GPC5: variants seen among roughly 807,000 people sequenced by gnomAD.
The protein encoded by GPC5 is glypican 5, also known as glypican-5.
A neutral mutation model predicts 53.9 loss-of-function variants in GPC5; 47 were observed. The ratio of observed to expected loss-of-function variants is 0.87; its 90% CI spans 0.69 to 1.11. The LOEUF (loss-of-function observed/expected upper bound fraction) is 1.11, where lower values mean the gene tolerates loss of function less well. Ranked by LOEUF, GPC5 falls within the 50% of genes most tolerant of loss-of-function variation. The pLI is 0.00. For synonymous variants in GPC5, 286 were observed against 263.3 expected (o/e 1.09, Z -0.84); for missense variants, 748 against 713.1 (o/e 1.05, Z -0.56).
intron 7 of GPC5, among the ~76,000 whole-genome samples, chr13:92,168,599 C>A (rs921816993): frequency 1.3e-5 from 2 of 152,142 alleles, no homozygotes; most frequent in African/African-American, 4.8e-5. Context: ...CATCAGTGAT[C>A]ATTAGAGAAA....
At chr13:91,946,222 T>C (rs1331413230) in intron 6 of GPC5, among the ~76,000 whole-genome samples, 6 of 152,194 alleles carry the variant, frequency 3.9e-5, no homozygotes, top group African/African-American at 1.4e-4. Flanking sequence ...TCTCATGGTT[T>C]CTCTGAAAAT....
intron 6 of GPC5, among the ~76,000 whole-genome samples, chr13:92,000,099 G>A (rs2040541050): frequency 6.6e-6 from 1 of 151,978 alleles, no homozygotes; most frequent in South Asian, 2.1e-4. Flanking sequence ...AATTGTAAAG[G>A]TAATAATAAC....
At chr13:92,104,420 G>A (rs1278330652) in intron 6 of GPC5, among the ~76,000 whole-genome samples, 1 of 152,092 alleles carries the variant, frequency 6.6e-6, no homozygotes, top group African/African-American at 2.4e-5. Flanking sequence ...TTGCTTTCAG[G>A]AATAAGTGGA....
intron 2 of GPC5, among the ~76,000 whole-genome samples, chr13:91,647,957 C>A (rs572524229): frequency 8.5e-5 from 13 of 152,284 alleles, no homozygotes; most frequent in African/African-American, 2.9e-4. Flanking sequence ...TAATGAGAGC[C>A]TGTAATCCTG....
chr13:92,667,185 T>C (rs1247987553), intron 7 of GPC5, among the ~76,000 whole-genome samples: 1 of 152,104 alleles, frequency 6.6e-6, no homozygotes, highest in Non-Finnish European at 1.5e-5. Context: ...GGCATGCATG[T>C]GCACGCATGT....
chr13:92,490,314 T>C (rs920455869), intron 7 of GPC5: 29 of 152,906 alleles, frequency 1.9e-4, no homozygotes, highest in Admixed American at 1.3e-3. Flanking sequence ...GAAATAATTT[T>C]TAGTGTCCCT....
At chr13:91,701,608 A>C (rs1393564593) in intron 3 of GPC5, among the ~76,000 whole-genome samples, 1 of 151,556 alleles carries the variant, frequency 6.6e-6, no homozygotes, top group Non-Finnish European at 1.5e-5. Flanking sequence ...CTCTTATTCC[A>C]TAGGTTCTCT....
intron 7 of GPC5, among the ~76,000 whole-genome samples, chr13:92,282,697 G>T (rs1398141736): frequency 6.6e-6 from 1 of 152,140 alleles, no homozygotes; most frequent in Admixed American, 6.5e-5. Flanking sequence ...AATGCTGAGA[G>T]ATTTTGTCAC....
intron 7 of GPC5, among the ~76,000 whole-genome samples, chr13:92,807,737 A>G (rs1877148199): frequency 6.6e-6 from 1 of 152,086 alleles, no homozygotes; most frequent in South Asian, 2.1e-4. Context: ...AGAATGATTT[A>G]TTTACTTTAT....
intron 3 of GPC5, among the ~76,000 whole-genome samples, chr13:91,723,169 A>T (rs949233842): frequency 4.1e-4 from 61 of 150,562 alleles, no homozygotes; most frequent in Non-Finnish European, 6.8e-4. Context: ...ATTTTTATTT[A>T]TTTTTTTTTC....
At chr13:92,043,970 G>A (rs989265761) in intron 6 of GPC5, among the ~76,000 whole-genome samples, 3 of 152,062 alleles carry the variant, frequency 2.0e-5, no homozygotes, top group Admixed American at 2.0e-4. Context: ...TTCATTCTGT[G>A]TGCTTAAAAT....
intron 7 of GPC5, among the ~76,000 whole-genome samples, chr13:92,705,015 C>T (rs1039229889): frequency 2.0e-5 from 3 of 151,530 alleles, no homozygotes; most frequent in South Asian, 4.1e-4. Flanking sequence ...TTGTTAAGAA[C>T]AGTGCTCATG....
chr13:91,902,149 A>G (rs1215577706), intron 5 of GPC5, among the ~76,000 whole-genome samples: 2 of 152,158 alleles, frequency 1.3e-5, no homozygotes, highest in East Asian at 3.9e-4. Flanking sequence ...AGTGCACATC[A>G]GAATACTATA....
chr13:92,227,067 C>T (rs1020758253), intron 7 of GPC5, among the ~76,000 whole-genome samples: 1 of 152,186 alleles, frequency 6.6e-6, no homozygotes, highest in African/African-American at 2.4e-5. Context: ...CTTGAGTAAA[C>T]AGGCAAATAC....
intron 7 of GPC5, among the ~76,000 whole-genome samples, chr13:92,313,440 C>T (rs2043158747): frequency 6.6e-6 from 1 of 152,176 alleles, no homozygotes; most frequent in African/African-American, 2.4e-5. Flanking sequence ...ATACTTCAGA[C>T]ATTTACAAGT....
At chr13:92,123,612 C>T (rs542874676) in intron 6 of GPC5, among the ~76,000 whole-genome samples, 10 of 152,142 alleles carry the variant, frequency 6.6e-5, no homozygotes, top group African/African-American at 2.4e-4. Flanking sequence ...ATGCACTGAC[C>T]TTTTGGTGTT....
At chr13:91,932,193 A>G (rs1347137040) in intron 6 of GPC5, among the ~76,000 whole-genome samples, 1 of 152,044 alleles carries the variant, frequency 6.6e-6, no homozygotes, top group Non-Finnish European at 1.5e-5. Context: ...TGGAATGCCA[A>G]AATATTGTGC....
chr13:92,198,531 C>A (rs1301350672), intron 7 of GPC5, among the ~76,000 whole-genome samples: 3 of 152,130 alleles, frequency 2.0e-5, no homozygotes, highest in Admixed American at 1.3e-4. Context: ...TTGCTTCCAT[C>A]ATGAATGTGG....
At chr13:91,505,505 C>T (rs1884892883) in intron 2 of GPC5, among the ~76,000 whole-genome samples, 1 of 152,156 alleles carries the variant, frequency 6.6e-6, no homozygotes, top group Non-Finnish European at 1.5e-5. Context: ...ACTTTCTGGA[C>T]TTCCAACTTC....
Sources: allele counts gnomAD v4.1 joint callset (sites outside exome capture counted in the v4.1 genomes callset), GRCh38; gene constraint gnomAD v4.1.1; transcripts MANE v1.5; gene names NCBI Gene and HGNC (gene_info 2026-07-23, HGNC 2026-07-21).